RARB: variants seen among roughly 807,000 people sequenced by gnomAD.
The protein encoded by RARB is HBV-activated protein.
A neutral mutation model predicts 51.9 loss-of-function variants in RARB; 17 were observed. The observed-to-expected ratio is 0.33, with a 90% confidence interval of 0.22 to 0.49. The LOEUF is 0.49. RARB is among the 20% of genes least tolerant of loss of function. The pLI is 0.99. For synonymous variants in RARB, 215 were observed against 195.4 expected, an observed-to-expected ratio of 1.10 and a Z score of -0.84; for missense variants, 369 against 550.8, an observed-to-expected ratio of 0.67 and a Z score of 3.30.
At chr3:24,960,695 C>G (rs1696120120) in intron 2 of RARB, among the ~76,000 whole-genome samples, 1 of 151,764 alleles carries the variant, frequency 6.6e-6, no homozygotes, top group Non-Finnish European at 1.5e-5. Flanking sequence ...GGCAAGGTAG[C>G]TACAACCATA....
intron 3 of RARB, among the ~76,000 whole-genome samples, chr3:25,101,720 G>A (rs1373833235): frequency 5.3e-5 from 8 of 149,790 alleles, no homozygotes; most frequent in African/African-American, 2.0e-4. Context: ...TAGATGCTTT[G>A]CAGTGGGATT....
intron 2 of RARB, among the ~76,000 whole-genome samples, chr3:25,034,686 CTT>C (rs1409794403): frequency 2.6e-5 from 4 of 152,180 alleles, no homozygotes; most frequent in African/African-American, 9.6e-5. Context: ...TTGTGACACT[CTT>C]TGACTTAGCC....
At chr3:25,151,407 G>A (rs185505184) in intron 4 of RARB, among the ~76,000 whole-genome samples, 6 of 152,250 alleles carry the variant, frequency 3.9e-5, no homozygotes, top group African/African-American at 2.4e-5. Flanking sequence ...TTACCCCAGG[G>A]CAGGGAAAGA....
intron 5 of RARB, among the ~76,000 whole-genome samples, chr3:25,361,383 C>T (rs556582706): frequency 6.6e-6 from 1 of 152,286 alleles, no homozygotes; most frequent in East Asian, 1.9e-4. Flanking sequence ...ATTCCTCTAA[C>T]CTTTTATCAA....
chr3:25,130,904 T>TATTGATAATATTATCAATATC (rs1699936898), intron 3 of RARB, among the ~76,000 whole-genome samples: 2 of 38,390 alleles, frequency 5.2e-5, no homozygotes, highest in South Asian at 5.4e-4. Flanking sequence ...ATATCAATAT[T>TATTGATAATATTATCAATATC]ATTGATAATA....
At chr3:25,359,615 G>T (rs918306623) in intron 5 of RARB, among the ~76,000 whole-genome samples, 2 of 152,100 alleles carry the variant, frequency 1.3e-5, no homozygotes, top group Admixed American at 1.3e-4. Flanking sequence ...GGCATTTAGT[G>T]CTATAAATTT....
intron 5 of RARB, among the ~76,000 whole-genome samples, chr3:25,337,992 T>C (rs572157277): frequency 2.6e-5 from 4 of 152,234 alleles, no homozygotes; most frequent in African/African-American, 9.6e-5. Flanking sequence ...AATTTATCTC[T>C]ACAAACATTC....
intron 4 of RARB, among the ~76,000 whole-genome samples, chr3:25,161,564 G>A (rs1315355558): frequency 6.6e-6 from 1 of 151,972 alleles, no homozygotes; most frequent in Non-Finnish European, 1.5e-5. Flanking sequence ...TTTCATCGTG[G>A]TCTCCACTGG....
At chr3:25,199,697 T>C (rs1443197579) in intron 5 of RARB, among the ~76,000 whole-genome samples, 4 of 152,154 alleles carry the variant, frequency 2.6e-5, no homozygotes, top group African/African-American at 7.2e-5. Context: ...CATGCAGTGT[T>C]TGGTTTCTTG....
intron 3 of RARB, among the ~76,000 whole-genome samples, chr3:25,525,462 A>G (rs759563005): frequency 1.7e-4 from 26 of 152,094 alleles, no homozygotes; most frequent in Non-Finnish European, 2.6e-4. Flanking sequence ...TTGTCTTCAT[A>G]GACCCCCCTC....
At chr3:25,482,006 T>C (rs1216978791) in intron 2 of RARB, among the ~76,000 whole-genome samples, 2 of 152,142 alleles carry the variant, frequency 1.3e-5, no homozygotes, top group Non-Finnish European at 2.9e-5. Flanking sequence ...ACACAGCTAA[T>C]AACAGGCAGA....
chr3:24,916,083 C>T (rs1023997192), intron 2 of RARB, among the ~76,000 whole-genome samples: 2 of 151,972 alleles, frequency 1.3e-5, no homozygotes, highest in African/African-American at 4.8e-5. Context: ...AAAAACTAGG[C>T]CTGTCAATAG....
At chr3:24,979,126 GT>G (rs1158289669) in intron 2 of RARB, among the ~76,000 whole-genome samples, 1 of 152,100 alleles carries the variant, frequency 6.6e-6, no homozygotes, top group East Asian at 1.9e-4. Context: ...AAAGTTTGTT[GT>G]GATTTCTGTT....
At chr3:25,290,792 G>T (rs557911595) in intron 5 of RARB, among the ~76,000 whole-genome samples, 5 of 152,026 alleles carry the variant, frequency 3.3e-5, no homozygotes, top group Non-Finnish European at 7.4e-5. Flanking sequence ...TGCACTTAGC[G>T]CTCTGCTCAG....
chr3:25,469,582 C>T (rs1695594641), intron 2 of RARB, among the ~76,000 whole-genome samples: 2 of 152,180 alleles, frequency 1.3e-5, no homozygotes, highest in Admixed American at 1.3e-4. Context: ...CTCATAGACC[C>T]AAAAAGCGTC....
At chr3:24,973,191 C>T (rs1005422579) in intron 2 of RARB, among the ~76,000 whole-genome samples, 1 of 151,974 alleles carries the variant, frequency 6.6e-6, no homozygotes, top group Non-Finnish European at 1.5e-5. Context: ...TTCTTCTGCA[C>T]ATGGTTATTC....
At chr3:25,182,547 A>G (rs896026263) in intron 5 of RARB, among the ~76,000 whole-genome samples, 1 of 151,810 alleles carries the variant, frequency 6.6e-6, no homozygotes, top group African/African-American at 2.4e-5. Context: ...TAATGAATTC[A>G]CTCTTCTGAT....
intron 4 of RARB, among the ~76,000 whole-genome samples, chr3:25,142,689 CAG>C (rs1252368214): frequency 6.6e-6 from 1 of 151,684 alleles, no homozygotes; most frequent in Non-Finnish European, 1.5e-5. Flanking sequence ...GGTTAACAGA[CAG>C]ATGATATTTC....
At chr3:25,489,609 G>A (rs1320708694) in intron 2 of RARB, among the ~76,000 whole-genome samples, 1 of 152,226 alleles carries the variant, frequency 6.6e-6, no homozygotes, top group Non-Finnish European at 1.5e-5. Flanking sequence ...ATCAATTGTT[G>A]CACTGTTGTA....
Sources: gnomAD v4.1 joint callset for allele counts (sites outside exome capture counted in the v4.1 genomes callset) on GRCh38, gnomAD v4.1.1 for gene constraint, MANE v1.5 for transcripts, NCBI Gene and HGNC (gene_info 2026-07-23, HGNC 2026-07-21) for gene names.